The following BEND3 variants were observed in gnomAD, a reference collection of about 807,000 sequenced individuals.
The protein encoded by BEND3 is BEN domain-containing protein 3.
BEND3 carries 13 observed loss-of-function variants against 60.1 expected under a neutral mutation model. The ratio of observed to expected loss-of-function variants is 0.22; its 90% CI spans 0.14 to 0.34. The LOEUF is 0.34. Among genes scored for constraint, BEND3 ranks in the 10% least tolerant of loss-of-function variants. The probability of loss-of-function intolerance (pLI) is 1.00; values close to 1 mark genes in which losing one functional copy is unlikely to be tolerated. For missense variants in BEND3, 896 were observed against 1,138.1 expected, an observed-to-expected ratio of 0.79 and a Z score of 3.06; for synonymous variants, 497 against 491.5, an observed-to-expected ratio of 1.01 and a Z score of -0.15.
At chr6:107,110,701 C>T (rs1230858790) in intron 1 of BEND3, among the ~76,000 whole-genome samples, 2 of 152,006 alleles carry the variant, frequency 1.3e-5, no homozygotes, top group African/African-American at 4.8e-5. Flanking sequence ...GCTGGGATTA[C>T]CCACCACCAT....
chr6:107,092,926 A>G (rs777626268), intron 3 of BEND3, among the ~76,000 whole-genome samples: 1 of 152,216 alleles, frequency 6.6e-6, no homozygotes, highest in Non-Finnish European at 1.5e-5. Flanking sequence ...AACAAAATAC[A>G]TATGTATACA....
intron 3 of BEND3, among the ~76,000 whole-genome samples, chr6:107,078,779 C>T (rs1340952443): frequency 1.3e-5 from 2 of 150,360 alleles, no homozygotes; most frequent in Non-Finnish European, 3.0e-5. Flanking sequence ...TCGTCTGACC[C>T]CAGATTCTCT....
At chr6:107,101,184 A>G (rs1411958929) in intron 1 of BEND3, among the ~76,000 whole-genome samples, 3 of 152,212 alleles carry the variant, frequency 2.0e-5, no homozygotes, top group Non-Finnish European at 4.4e-5. Context: ...CCTGGGTGAC[A>G]GAGTGAGACT....
At chr6:107,087,730 C>A (rs1334819012) in intron 3 of BEND3, among the ~76,000 whole-genome samples, 2 of 125,314 alleles carry the variant, frequency 1.6e-5, no homozygotes, top group African/African-American at 6.0e-5. Flanking sequence ...GAGCAAGACT[C>A]CATCTCGAAA....
At chr6:107,114,815 A>G (rs1770227986) in intron 1 of BEND3, among the ~76,000 whole-genome samples, 1 of 146,676 alleles carries the variant, frequency 6.8e-6, no homozygotes, top group African/African-American at 2.5e-5. Flanking sequence ...CCAGAACGCC[A>G]TGGAGCCGCC....
chr6:107,089,058 A>T (rs1775415196), intron 3 of BEND3, among the ~76,000 whole-genome samples: 1 of 152,066 alleles, frequency 6.6e-6, no homozygotes, highest in Non-Finnish European at 1.5e-5. Flanking sequence ...AGGCAGGAGA[A>T]TCACTTGAAC....
In BEND3 at chr6:107,101,908, A is replaced by C. The variant is rs565414377; in HGVS notation, c.-11-2612T>G. On this transcript the variant is annotated intron_variant, in intron 1 of 3. Transcript: ENST00000369042. ...TTCCTGCCAATCAAGGGGAGTTCTG[A>C]GATGCAGAACAGATGGGGCAAAACG... 2.0e-5 allele frequency among the ~76,000 whole-genome samples: 3 copies of C among 152,330 alleles called. No homozygotes were observed. In the East Asian group the frequency reaches 5.8e-4, roughly 29 times the overall value.
intron 1 of BEND3, among the ~76,000 whole-genome samples, chr6:107,103,855 G>C (rs1253370959): frequency 2.0e-5 from 3 of 151,888 alleles, no homozygotes; most frequent in African/African-American, 7.3e-5. Flanking sequence ...GGCTGAGGCA[G>C]GAGAATCGCT....
intron 1 of BEND3, among the ~76,000 whole-genome samples, chr6:107,113,458 A>AAC (rs1554238804): frequency 4.7e-5 from 7 of 147,746 alleles, no homozygotes; most frequent in African/African-American, 1.8e-4. Context: ...AAAAAACAAA[A>AAC]AAAAAACTCA....
intron 3 of BEND3, among the ~76,000 whole-genome samples, chr6:107,078,947 G>C (rs944090763): frequency 3.3e-5 from 5 of 151,996 alleles, no homozygotes; most frequent in Admixed American, 2.6e-4. Flanking sequence ...CCCAAATGTT[G>C]CATTTTCCAA....
intron 1 of BEND3, chr6:107,106,185 AG>A (rs1554237452): frequency 6.6e-6 from 1 of 152,192 alleles, no homozygotes; most frequent in East Asian, 1.9e-4. Context: ...GACAGTAGTT[AG>A]TATTCATGTG....
At chr6:107,073,779 C>T (rs1018717120) in intron 3 of BEND3, among the ~76,000 whole-genome samples, 35 of 151,658 alleles carry the variant, frequency 2.3e-4, no homozygotes, top group Admixed American at 1.1e-3. Flanking sequence ...CTCAGCTACT[C>T]GGGAGGCTGA....
rs372707129 is a variant in BEND3 at position 107,070,351 on chromosome 6, G to A, written c.840C>T (p.Ser280=). Residue 280 remains serine (S), a synonymous_variant, in exon 4 of 4, where the codon AGC becomes AGT. Transcript: ENST00000369042. The surrounding 1 kb of genome is among the most constrained non-coding windows in gnomAD (Gnocchi z 6.9). The stretch of plus-strand genomic sequence containing the variant: ...TGCAGCCCCGGGAGAAGTCCACGTC[G>A]CTGAAGAGCTCGGGGAAGAGCTGCA... ...LLVQLFPELF[S]DVDFSRGCSA... The A allele has an allele frequency of 3.9e-5, 63 of 1,613,152 alleles. 1 individual carries two copies. The highest frequency in any genetic ancestry group is 3.1e-4 in the South Asian group (28 of 91,082).
At position 107,099,310 on chromosome 6, in the gene BEND3, CAAAG is replaced by C; in HGVS notation, c.-11-18_-11-15del. 6.2e-7 allele frequency: 1 copy of C among 1,602,820 alleles called. No individual in the cohort carries two copies. The highest frequency in any genetic ancestry group is 8.5e-7 in the Non-Finnish European group (1 of 1,171,534). On this transcript the variant is annotated splice_polypyrimidine_tract_variant and intron_variant, in intron 1 of 3. Transcript: ENST00000369042. ...TCTTCTATTCCGCTAAATAAAAAGA[CAAAG>C]ACAATGTGTTGACTTATTGCTTGAT...
rs1195179373 is a variant in BEND3 at position 107,068,602 on chromosome 6, G to A, written c.*102C>T. 7.6e-7 allele frequency: 1 copy of A among 1,317,764 alleles called. No homozygotes were observed. The highest frequency in any genetic ancestry group is 1.0e-6 in the Non-Finnish European group (1 of 965,194). 81.6% of individuals were successfully genotyped at this position (1,317,764 alleles called of 1,614,324 possible). The stretch of plus-strand genomic sequence containing the variant: ...CACTCCCCACGGACATAAGGTGCCT[G>A]TCTGTGGATGCCATAGGCGTGCTCC... On this transcript the variant is annotated 3_prime_UTR_variant, in exon 4 of 4. Coordinates refer to ENST00000369042, the MANE Select transcript of BEND3 (RefSeq NM_001367314.1). This position sits in a 1 kb window ranked among gnomAD's most constrained non-coding sequence, Gnocchi z 5.8.
intron 3 of BEND3, among the ~76,000 whole-genome samples, chr6:107,084,144 C>T (rs150621524): frequency 1.3e-5 from 2 of 152,310 alleles, no homozygotes; most frequent in East Asian, 3.9e-4. Flanking sequence ...GCGAAACAGA[C>T]GGGTGAGTAC....
chr6:107,114,771 C>T (rs1313130769), intron 1 of BEND3, among the ~76,000 whole-genome samples: 2 of 146,152 alleles, frequency 1.4e-5, no homozygotes, highest in Non-Finnish European at 3.0e-5. Context: ...TTCCACCGCG[C>T]GAACCCCCCG....
At chr6:107,087,634 G>A (rs1174327288) in intron 3 of BEND3, among the ~76,000 whole-genome samples, 1 of 151,888 alleles carries the variant, frequency 6.6e-6, no homozygotes, top group Non-Finnish European at 1.5e-5. Flanking sequence ...CTACTCAGGA[G>A]GCTGAGGCAG....
At chr6:107,086,056 G>C (rs984557951) in intron 3 of BEND3, among the ~76,000 whole-genome samples, 11 of 152,090 alleles carry the variant, frequency 7.2e-5, no homozygotes, top group African/African-American at 1.4e-4. Flanking sequence ...CAATGTGCTG[G>C]GATTACAGGC....
Sources: allele counts gnomAD v4.1 joint callset (sites outside exome capture counted in the v4.1 genomes callset), GRCh38; gene constraint gnomAD v4.1.1; non-coding constraint Gnocchi (gnomAD v3.1); transcripts MANE v1.5; gene names NCBI Gene and HGNC (gene_info 2026-07-23, HGNC 2026-07-21).